Variants in DSCAM observed in about 807,000 individuals in gnomAD.
DSCAM encodes the protein DS cell adhesion molecule, also known as cell adhesion molecule DSCAM.
DSCAM carries 47 observed loss-of-function variants against 217.7 expected under a neutral mutation model. The observed-to-expected ratio is 0.22, with a 90% CI of 0.17 to 0.28. The LOEUF (loss-of-function observed/expected upper bound fraction) is 0.28, where lower values mean the gene tolerates loss of function less well. Among genes scored for constraint, DSCAM ranks in the 10% least tolerant of loss-of-function variants. The pLI is 1.00. For synonymous variants in DSCAM, 1,056 were observed against 1,015.3 expected (o/e 1.04, Z -0.76); for missense variants, 2,080 against 2,618.3 (o/e 0.79, Z 4.49).
chr21:40,348,339 A>T (rs2074586692), intron 5 of DSCAM, among the ~76,000 whole-genome samples: 1 of 152,282 alleles, frequency 6.6e-6, no homozygotes, highest in South Asian at 2.1e-4. Flanking sequence ...TACATTTTGT[A>T]TCAGCCACAT....
intron 11 of DSCAM, among the ~76,000 whole-genome samples, chr21:40,270,971 T>C (rs1233534806): frequency 6.6e-6 from 1 of 152,244 alleles, no homozygotes; most frequent in Non-Finnish European, 1.5e-5. Flanking sequence ...GAAAAGGAGA[T>C]GGGTTATTAT....
chr21:40,114,082 C>A (rs1187300620), intron 20 of DSCAM, among the ~76,000 whole-genome samples: 1 of 150,368 alleles, frequency 6.7e-6, no homozygotes, highest in African/African-American at 2.5e-5. Flanking sequence ...CATATGGAAC[C>A]AAAAAAGAGC....
chr21:40,469,455 G>C (rs928097438), intron 3 of DSCAM, among the ~76,000 whole-genome samples: 2 of 152,128 alleles, frequency 1.3e-5, no homozygotes, highest in South Asian at 2.1e-4. Flanking sequence ...GTCTCTGCTG[G>C]AAAAACAAAA....
At chr21:40,659,738 G>T (rs2090118786) in intron 3 of DSCAM, among the ~76,000 whole-genome samples, 1 of 151,916 alleles carries the variant, frequency 6.6e-6, no homozygotes, top group South Asian at 2.1e-4. Context: ...ACCCCATTAG[G>T]CTGTACCTGA....
chr21:40,433,946 C>T (rs1014986705), intron 3 of DSCAM, among the ~76,000 whole-genome samples: 3 of 152,122 alleles, frequency 2.0e-5, no homozygotes, highest in African/African-American at 7.2e-5. Context: ...ATATCACCTG[C>T]GTTGGGCGAT....
chr21:40,168,927 A>G lies in DSCAM; in HGVS notation c.2948-1639T>C, dbSNP rs139716786. Among the ~76,000 whole-genome samples, 570 of 152,278 alleles carry G rather than the reference A, an allele frequency of 3.7e-3. 2 individuals carry two copies. Among genetic ancestry groups the G allele is most frequent in the African/African-American group, 7.0e-3 (289 of 41,550 alleles). On this transcript the variant is annotated intron_variant, in intron 15 of 32. Transcript: ENST00000400454. ...ATTTCTCTCTATATATAATGGGCCA[A>G]TGGAATTTGTATCATAGGGTTGTTA...
intron 24 of DSCAM, among the ~76,000 whole-genome samples, chr21:40,082,215 C>G (rs748055181): frequency 6.6e-6 from 1 of 152,142 alleles, no homozygotes; most frequent in Non-Finnish European, 1.5e-5. Flanking sequence ...AATCCCAGCA[C>G]GTTGGGAAGC....
At chr21:40,686,365 C>T (rs945407961) in intron 3 of DSCAM, among the ~76,000 whole-genome samples, 12 of 151,602 alleles carry the variant, frequency 7.9e-5, no homozygotes, top group African/African-American at 2.9e-4. Flanking sequence ...ACACACCACA[C>T]ACACTACACA....
intron 1 of DSCAM, among the ~76,000 whole-genome samples, chr21:40,841,998 C>A (rs1365899751): frequency 6.6e-6 from 1 of 152,196 alleles, no homozygotes; most frequent in Non-Finnish European, 1.5e-5. Context: ...GCGCAGTGAA[C>A]TTGAGAGATC....
At chr21:40,381,062 C>CAAA (rs71186932) in intron 3 of DSCAM, among the ~76,000 whole-genome samples, 1,254 of 65,558 alleles carry the variant, frequency 0.019, 64 homozygotes, top group African/African-American at 0.036. Flanking sequence ...GACTCCGTCT[C>CAAA]AAAAAAAAAA....
chr21:40,792,193 C>A (rs2091652409), intron 1 of DSCAM, among the ~76,000 whole-genome samples: 1 of 139,014 alleles, frequency 7.2e-6, no homozygotes. Context: ...GGCTGGAGTG[C>A]AGTGGCGCCA....
At chr21:40,079,401 C>T (rs1167022839) in intron 25 of DSCAM, among the ~76,000 whole-genome samples, 1 of 152,152 alleles carries the variant, frequency 6.6e-6, no homozygotes, top group East Asian at 1.9e-4. Flanking sequence ...GGTCTTGGTG[C>T]CCAGGGACCT....
chr21:40,626,467 T>C (rs983765318), intron 3 of DSCAM, among the ~76,000 whole-genome samples: 1 of 152,222 alleles, frequency 6.6e-6, no homozygotes, highest in East Asian at 1.9e-4. Context: ...TGTCAAACCC[T>C]ATGTTATACT....
intron 3 of DSCAM, among the ~76,000 whole-genome samples, chr21:40,628,018 A>G (rs2089627142): frequency 6.6e-6 from 1 of 152,194 alleles, no homozygotes; most frequent in Admixed American, 6.5e-5. Context: ...ACATTTGACC[A>G]CTTTGTATAC....
At chr21:40,627,415 G>A (rs1338188607) in intron 3 of DSCAM, among the ~76,000 whole-genome samples, 1 of 152,190 alleles carries the variant, frequency 6.6e-6, no homozygotes, top group East Asian at 1.9e-4. Context: ...GAGTAAATAT[G>A]TTGTGGAAAG....
At chr21:40,157,445 G>T (rs955541287) in intron 16 of DSCAM, among the ~76,000 whole-genome samples, 1 of 152,208 alleles carries the variant, frequency 6.6e-6, no homozygotes, top group African/African-American at 2.4e-5. Context: ...GCACTACTAA[G>T]AAAGGAGCAT....
At chr21:40,359,830 T>A (rs2074738113) in intron 4 of DSCAM, among the ~76,000 whole-genome samples, 2 of 152,140 alleles carry the variant, frequency 1.3e-5, no homozygotes, top group Non-Finnish European at 1.5e-5. Flanking sequence ...GGAGGAATCT[T>A]TTGGGTGGTG....
chr21:40,130,363 A>G (rs1459402267), intron 19 of DSCAM, among the ~76,000 whole-genome samples: 2 of 152,214 alleles, frequency 1.3e-5, no homozygotes, highest in African/African-American at 4.8e-5. Flanking sequence ...CTGCAGCAAT[A>G]ATGGGGTACA....
rs1268083949 is a variant in DSCAM, at chr21:40,144,105, AT to A, written c.3259+385del. On this transcript the variant is annotated intron_variant, in intron 17 of 32. Coordinates refer to ENST00000400454, the MANE Select transcript of DSCAM (RefSeq NM_001389.5). This position sits in a 1 kb window ranked among gnomAD's most constrained non-coding sequence, Gnocchi z 4.8. ...GCTTGAAAATAGGAAACAATGAAAA[AT>A]AAAATAAATTTTAAAAAACCTTCTT... Among the ~76,000 whole-genome samples the A allele has an allele frequency of 2.7e-4, 15 of 55,378 alleles. No homozygotes were observed. The highest frequency in any genetic ancestry group is 1.1e-3 in the South Asian group (1 of 924). The allele number at this position is 55,378 out of a possible 152,430, so 36.3% of individuals were successfully genotyped here.
Sources: allele counts gnomAD v4.1 joint callset (sites outside exome capture counted in the v4.1 genomes callset), GRCh38; gene constraint gnomAD v4.1.1; non-coding constraint Gnocchi (gnomAD v3.1); transcripts MANE v1.5; gene names NCBI Gene and HGNC (gene_info 2026-07-23, HGNC 2026-07-21).